ALG5: variants seen among roughly 807,000 people sequenced by gnomAD.
ALG5 encodes dolichyl-phosphate beta-glucosyltransferase.
Under a neutral mutation model 51.8 loss-of-function variants are expected in ALG5, and 26 were observed. The observed-to-expected ratio is 0.50, with a 90% CI of 0.37 to 0.70. ALG5 has a LOEUF of 0.70. Ranked by LOEUF, ALG5 falls within the 30% of genes least tolerant of loss-of-function variation. ALG5 has a pLI of 0.00. For missense variants in ALG5, 311 were observed against 399.3 expected (o/e 0.78, Z 1.88); for synonymous variants, 141 against 136.1 (o/e 1.04, Z -0.25).
Position 36,965,583 on chromosome 13 carries a change from A to G in ALG5, c.765T>C (p.Val255=). 6.2e-7 allele frequency: 1 copy of G among 1,613,728 alleles called. No individual in the cohort carries two copies. The highest frequency in any genetic ancestry group is 8.5e-7 in the Non-Finnish European group (1 of 1,179,848). The change falls in exon 8 of 10, where the codon GTT becomes GTC. Residue 255 remains valine, a synonymous_variant. Coordinates refer to ENST00000239891, the MANE Select transcript of ALG5 (RefSeq NM_013338.5). ...AASRTFSSLH[V]ERWAFDVELL... ...TCCAGTCAGAAACCTACCATCGTTC[A>G]ACGTGTAGAGATGAAAACGTCCGTG... is the stretch of plus-strand genomic sequence containing the variant.
At chr13:36,999,366 C>G, upstream of ALG5, 1 of 1,382,138 alleles carries the variant, frequency 7.2e-7, no homozygotes, top group Non-Finnish European at 9.4e-7. Flanking sequence ...CCCGCGCGAC[C>G]CGGCCCCGCC....
intron 8 of ALG5, among the ~76,000 whole-genome samples, chr13:36,957,400 A>G (rs1443398015): frequency 6.6e-6 from 1 of 152,098 alleles, no homozygotes; most frequent in Non-Finnish European, 1.5e-5. Context: ...AAAGGCACTA[A>G]TTCATGAAAT....
intron 8 of ALG5, among the ~76,000 whole-genome samples, chr13:36,959,496 C>T (rs922922975): frequency 2.6e-5 from 4 of 151,964 alleles, no homozygotes; most frequent in African/African-American, 4.8e-5. Flanking sequence ...TTAGAAGGAC[C>T]TACTGAATAC....
intron 6 of ALG5, among the ~76,000 whole-genome samples, chr13:36,981,685 A>C (rs1206361896): frequency 6.6e-6 from 1 of 152,240 alleles, no homozygotes; most frequent in African/African-American, 2.4e-5. Flanking sequence ...CAGGAAAAAG[A>C]GTTGGCAATA....
intron 1 of ALG5, among the ~76,000 whole-genome samples, chr13:36,998,203 AAATC>A (rs549648481): frequency 5.3e-5 from 8 of 152,230 alleles, no homozygotes; most frequent in African/African-American, 1.7e-4. Context: ...ACCCCGCCAA[AAATC>A]AATCAATCAA....
chr13:36,979,750 C>G (rs1420107712), intron 6 of ALG5, among the ~76,000 whole-genome samples: 1 of 152,080 alleles, frequency 6.6e-6, no homozygotes, highest in Non-Finnish European at 1.5e-5. Flanking sequence ...AGAGCTATGT[C>G]TAAATCAGAA....
intron 4 of ALG5, among the ~76,000 whole-genome samples, chr13:36,991,816 G>C (rs2059026727): frequency 6.6e-6 from 1 of 152,152 alleles, no homozygotes; most frequent in African/African-American, 2.4e-5. Flanking sequence ...CTGGAGTTCA[G>C]TCGTGCGATC....
intron 9 of ALG5, 53 bp downstream of exon 9, chr13:36,952,461 A>C: frequency 1.5e-6 from 2 of 1,333,984 alleles, no homozygotes; most frequent in Admixed American, 2.2e-5. Context: ...TGACTTTACT[A>C]AACAACTGTA....
rs1057090786 is a variant in ALG5 at position 36,995,038 on chromosome 13, T to A, written c.239-3A>T. Reference sequence around the variant, plus strand: ...AGCTTCATCCATCATCACAGGCACTTGAAGAAAAAAATATATTAAAAATCA... The same window carrying A: ...AGCTTCATCCATCATCACAGGCACTAGAAGAAAAAAATATATTAAAAATCA... On this transcript the variant is annotated splice_polypyrimidine_tract_variant and splice_region_variant and intron_variant, in intron 2 of 9. Coordinates refer to ENST00000239891, the MANE Select transcript of ALG5 (RefSeq NM_013338.5). The A allele has an allele frequency of 1.9e-6, 3 of 1,612,456 alleles. No homozygotes were observed. Among genetic ancestry groups the A allele is most frequent in the Non-Finnish European group, 2.5e-6 (3 of 1,178,844 alleles).
At chr13:36,972,720 T>G (rs557791130) in intron 6 of ALG5, among the ~76,000 whole-genome samples, 5 of 152,058 alleles carry the variant, frequency 3.3e-5, no homozygotes, top group East Asian at 1.9e-4. Context: ...TGGCCGGGCG[T>G]GGTGGCTCAC....
chr13:36,975,564 C>A (rs1403611092), intron 6 of ALG5, among the ~76,000 whole-genome samples: 1 of 152,148 alleles, frequency 6.6e-6, no homozygotes. Flanking sequence ...TTTACCATTA[C>A]TTTGACTATT....
At chr13:36,963,152 T>C (rs1411695324) in intron 8 of ALG5, among the ~76,000 whole-genome samples, 1 of 152,138 alleles carries the variant, frequency 6.6e-6, no homozygotes, top group Non-Finnish European at 1.5e-5. Context: ...GGTCTTGCTA[T>C]GTTTTCCAGG....
chr13:36,988,168 A>G (rs2059010376), intron 5 of ALG5, among the ~76,000 whole-genome samples: 5 of 152,284 alleles, frequency 3.3e-5, no homozygotes, highest in Admixed American at 3.3e-4. Flanking sequence ...AGATGGTGGC[A>G]CCAACTTTTT....
rs771496374 is a variant in ALG5 at position 36,999,238 on chromosome 13, T to G, written c.63A>C (p.Val21=). The change falls in exon 1 of 10, where the codon GTA becomes GTC. Residue 21 remains valine, a synonymous_variant. Coordinates refer to ENST00000239891, the MANE Select transcript of ALG5 (RefSeq NM_013338.5). ...GGGTTCCCATCCCTGTTCTCACCAG[T>G]ACGAGGGCTGCGGCCGCCAGCGCCG... is the stretch of plus-strand genomic sequence containing the variant. ...LGAALAAAAL[V]LISIVAFTTA... 5 of 1,577,662 alleles carry G rather than the reference T, an allele frequency of 3.2e-6. No individual in the cohort carries two copies. In the South Asian group the frequency reaches 3.4e-5, roughly 11 times the overall value.
chr13:36,994,406 T>C (rs2138830489), intron 3 of ALG5, among the ~76,000 whole-genome samples: 1 of 152,312 alleles, frequency 6.6e-6, no homozygotes, highest in African/African-American at 2.4e-5. Context: ...AAGAAGGTTG[T>C]GTATTACTTC....
At chr13:36,977,909 T>C (rs1375281107) in intron 6 of ALG5, among the ~76,000 whole-genome samples, 2 of 142,192 alleles carry the variant, frequency 1.4e-5, no homozygotes, top group East Asian at 2.3e-4. Flanking sequence ...TTTTTTTTAA[T>C]GGAATCTCAC....
In ALG5 at chr13:36,993,584, C is replaced by A. The variant is rs769836523; in HGVS notation, c.354+20G>T. 8.1e-6 allele frequency: 13 copies of A among 1,602,572 alleles called. No individual in the cohort carries two copies. Among genetic ancestry groups the A allele is most frequent in the Non-Finnish European group, 1.1e-5 (13 of 1,170,054 alleles). On this transcript the variant is annotated intron_variant, in intron 4 of 9. Transcript: ENST00000239891. Reference sequence around the variant, plus strand: ...CTCTATTTTCTAACTATTGTCAATTCTAAAAGCAAGTGTATTTACCTTTGA... The same window carrying A: ...CTCTATTTTCTAACTATTGTCAATTATAAAAGCAAGTGTATTTACCTTTGA...
chr13:36,991,250 C>T (rs2059024124), intron 4 of ALG5, among the ~76,000 whole-genome samples: 1 of 152,184 alleles, frequency 6.6e-6, no homozygotes, highest in African/African-American at 2.4e-5. Context: ...CAGCCAAACA[C>T]CATTTCTCTT....
At chr13:36,991,895 A>C (rs1011097202) in intron 4 of ALG5, among the ~76,000 whole-genome samples, 1 of 152,136 alleles carries the variant, frequency 6.6e-6, no homozygotes, top group African/African-American at 2.4e-5. Context: ...GGCCTCCCAA[A>C]GTGTTGGGAT....
Sources: gnomAD v4.1 joint callset for allele counts (sites outside exome capture counted in the v4.1 genomes callset) on GRCh38, gnomAD v4.1.1 for gene constraint, MANE v1.5 for transcripts, NCBI Gene and HGNC (gene_info 2026-07-23, HGNC 2026-07-21) for gene names.